The following LAMB4 variants were observed in gnomAD, a reference collection of about 807,000 sequenced individuals.
The protein encoded by LAMB4 is laminin subunit beta-4.
A neutral mutation model predicts 199.2 loss-of-function variants in LAMB4; 196 were observed. That is an observed-to-expected ratio of 0.98 (90% confidence interval 0.88 to 1.11). The LOEUF (loss-of-function observed/expected upper bound fraction) is 1.11. LAMB4 is among the 50% of genes least tolerant of loss of function. LAMB4 has a pLI of 0.00. For missense variants in LAMB4, 2,080 were observed against 2,171.2 expected (o/e 0.96, Z 0.83); for synonymous variants, 744 against 770.6 (o/e 0.97, Z 0.57).
intron 30 of LAMB4, among the ~76,000 whole-genome samples, chr7:108,036,451 G>A (rs1423140599): frequency 6.6e-6 from 1 of 152,150 alleles, no homozygotes; most frequent in Non-Finnish European, 1.5e-5. Context: ...GCCTCCTAAA[G>A]TGCTGGGATT....
intron 1 of LAMB4, among the ~76,000 whole-genome samples, chr7:108,124,108 G>T (rs1425511869): frequency 6.6e-6 from 1 of 152,032 alleles, no homozygotes; most frequent in African/African-American, 2.4e-5. Context: ...TCAGCCTCCT[G>T]GATTCAAGCT....
chr7:108,044,974 A>G (rs2035569286), intron 28 of LAMB4, among the ~76,000 whole-genome samples: 2 of 140,276 alleles, frequency 1.4e-5, no homozygotes, highest in African/African-American at 6.0e-5. Context: ...AAAAAAAAAA[A>G]GAAAAGAAAA....
At chr7:108,109,791 C>T (rs555549971) in intron 4 of LAMB4, among the ~76,000 whole-genome samples, 1 of 152,188 alleles carries the variant, frequency 6.6e-6, no homozygotes, top group South Asian at 2.1e-4. Flanking sequence ...GTGTTTTGCA[C>T]TGAGCTAGTT....
rs572834362 is a variant in LAMB4, at chr7:108,079,583, T to C, written c.1887+18A>G. On this transcript the variant is annotated intron_variant, in intron 15 of 33. Coordinates refer to ENST00000388781, the MANE Select transcript of LAMB4 (RefSeq NM_007356.3). ...TCTGTCAGCTTTTCACCACCAAAGT[T>C]GGAGAGTTAAAGGATACCTGGGTTT... 15 of 1,570,672 alleles carry C rather than the reference T, an allele frequency of 9.6e-6. No homozygotes were observed. In the Middle Eastern group the frequency reaches 6.8e-4, roughly 71 times the overall value.
intron 25 of LAMB4, among the ~76,000 whole-genome samples, chr7:108,053,825 T>C (rs957485332): frequency 5.3e-5 from 8 of 152,206 alleles, no homozygotes; most frequent in Non-Finnish European, 1.0e-4. Context: ...ACCACAAGCT[T>C]GTGGTCCATG....
rs920628950 is a variant in LAMB4, at chr7:108,032,622, C to T, written c.4818+1586G>A. ...CAAAATTGTGTTAGAGCCACAATCG[C>T]GGTTAGCAAATCTTAGTGGAGATGT... On this transcript the variant is annotated intron_variant, in intron 31 of 33. Coordinates refer to ENST00000388781, the MANE Select transcript of LAMB4 (RefSeq NM_007356.3). Among the ~76,000 whole-genome samples the T allele has an allele frequency of 7.2e-5, 11 of 152,080 alleles. No homozygotes were observed. The East Asian group carries it at 7.7e-4, about 11-fold the overall frequency.
intron 33 of LAMB4, among the ~76,000 whole-genome samples, 198 bp from the exon 34 acceptor site, chr7:108,024,376 G>A (rs2034762805): frequency 6.6e-6 from 1 of 152,112 alleles, no homozygotes; most frequent in Admixed American, 6.5e-5. Flanking sequence ...TGACAATTTT[G>A]TCTAAAAACT....
chr7:108,071,768 A>G (rs1297138824), intron 17 of LAMB4, among the ~76,000 whole-genome samples: 1 of 152,082 alleles, frequency 6.6e-6, no homozygotes, highest in Non-Finnish European at 1.5e-5. Context: ...GGCCACCTGG[A>G]TGATTACAGT....
chr7:108,063,733 T>C (rs569015573), intron 22 of LAMB4, 28 bp downstream of exon 22: 2 of 1,578,462 alleles, frequency 1.3e-6, no homozygotes, highest in South Asian at 1.1e-5. Context: ...AGCTGACACA[T>C]TTCCCCCTGG....
rs536192516 is a variant in LAMB4 at position 108,063,844 on chromosome 7, C to T, written c.2978G>A (p.Arg993Gln). The change falls in exon 22 of 34, where the codon CGA (arginine) becomes CAA (glutamine). Residue 993 changes from arginine to glutamine, a missense_variant. Coordinates refer to ENST00000388781, the MANE Select transcript of LAMB4 (RefSeq NM_007356.3). ...TGCGCCCTGAGTGTTGTGCAAACAT[C>T]GAAGGCACTCCCCTGTTACCCGGCT... ...SCSRVTGECL[R>Q]CLHNTQGANC... is the part of the protein sequence containing the mutation. 1.1e-5 allele frequency: 17 copies of T among 1,614,036 alleles called. No individual in the cohort carries two copies. The African/African-American group carries it at 1.2e-4, about 11-fold the overall frequency.
chr7:108,084,703 A>G (rs2037096719), intron 14 of LAMB4, among the ~76,000 whole-genome samples: 1 of 151,962 alleles, frequency 6.6e-6, no homozygotes, highest in Non-Finnish European at 1.5e-5. Context: ...AGCCCCAAGA[A>G]GCCAAGCTTT....
chr7:108,121,425 G>A (rs150959954), intron 2 of LAMB4, among the ~76,000 whole-genome samples: 95 of 152,242 alleles, frequency 6.2e-4, no homozygotes, highest in African/African-American at 2.2e-3. Flanking sequence ...ATGTTTATAC[G>A]TTCATGCAGA....
intron 17 of LAMB4, 98 bp from the exon 18 acceptor site, chr7:108,069,983 AAAG>A: frequency 2.2e-6 from 2 of 908,926 alleles, no homozygotes; most frequent in Non-Finnish European, 3.2e-6. Flanking sequence ...ATAATGGTTC[AAAG>A]AAGACTCAAC....
chr7:108,078,632 T>G (rs1478656614), intron 15 of LAMB4, among the ~76,000 whole-genome samples: 1 of 152,156 alleles, frequency 6.6e-6, no homozygotes, highest in Non-Finnish European at 1.5e-5. Context: ...TGGCTCTGGA[T>G]CACAGAACAA....
chr7:108,103,720 G>C (rs1366466630), intron 9 of LAMB4, among the ~76,000 whole-genome samples: 2 of 152,218 alleles, frequency 1.3e-5, no homozygotes, highest in African/African-American at 2.4e-5. Context: ...TCTGAGGCTA[G>C]GCCAGTGGCC....
In LAMB4 at chr7:108,065,944, A is replaced by G. The variant is rs77392590; in HGVS notation, c.2679-25T>C. ...CCTGTCAAGACAATTTCCTTTCACC[A>G]AAATGTTTCCAGGAAAAGATCACAT... On this transcript the variant is annotated intron_variant, in intron 20 of 33. Coordinates refer to ENST00000388781, the MANE Select transcript of LAMB4 (RefSeq NM_007356.3). 3,966 of 1,604,620 alleles carry G rather than the reference A, an allele frequency of 2.5e-3. 83 individuals are homozygous for G. In the African/African-American group the frequency reaches 0.045, roughly 18 times the overall value.
At chr7:108,014,018 A>G in the LAMB4 span, among the ~76,000 whole-genome samples, 1 of 152,196 alleles carries the variant, frequency 6.6e-6, no homozygotes, top group Non-Finnish European at 1.5e-5. Context: ...CCACCCAGAA[A>G]TTATTTTTAT....
chr7:108,030,807 T>C lies in LAMB4; in HGVS notation c.4991A>G (p.Lys1664Arg). Residue 1664 changes from lysine (K) to arginine (R), a missense_variant and splice_region_variant, in exon 32 of 34, where the codon AAG becomes AGG. Coordinates refer to ENST00000388781, the MANE Select transcript of LAMB4 (RefSeq NM_007356.3). ...SAQHQAGSLE[K>R]EFVELKKQYA... Reference sequence around the variant, plus strand: ...GGTGGCAGTGGTAGAACTAATGACCTTCTCAAGACTCCCAGCCTGGTGTTG... The same window carrying C: ...GGTGGCAGTGGTAGAACTAATGACCCTCTCAAGACTCCCAGCCTGGTGTTG... 1.2e-6 allele frequency: 2 copies of C among 1,613,804 alleles called. No homozygotes were observed. The highest frequency in any genetic ancestry group is 1.7e-6 in the Non-Finnish European group (2 of 1,179,852).
chr7:108,021,582 G>A (rs1384798883), downstream of LAMB4, among the ~76,000 whole-genome samples: 1 of 152,100 alleles, frequency 6.6e-6, no homozygotes, highest in Non-Finnish European at 1.5e-5. Context: ...GGTGGCACAT[G>A]TCTGTGATCT....
Sources: allele counts gnomAD v4.1 joint callset (sites outside exome capture counted in the v4.1 genomes callset), GRCh38; gene constraint gnomAD v4.1.1; transcripts MANE v1.5; gene names NCBI Gene and HGNC (gene_info 2026-07-23, HGNC 2026-07-21).